Variants in ZZEF1 observed in about 807,000 individuals in gnomAD.
ZZEF1 encodes zinc finger ZZ-type and EF-hand domain containing 1.
In ZZEF1, 157 loss-of-function variants were observed where a neutral mutation model predicts 342.8. The ratio of observed to expected loss-of-function variants is 0.46; its 90% CI spans 0.40 to 0.52. The LOEUF (loss-of-function observed/expected upper bound fraction) is 0.52, where lower values mean the gene tolerates loss of function less well. Among genes scored for constraint, ZZEF1 ranks in the 20% least tolerant of loss-of-function variants. ZZEF1 has a pLI of 0.00. For missense variants in ZZEF1, 3,480 were observed against 3,725.6 expected, an observed-to-expected ratio of 0.93 and a Z score of 1.72; for synonymous variants, 1,505 against 1,429.1, an observed-to-expected ratio of 1.05 and a Z score of -1.20.
At position 4,008,642 on chromosome 17, in the gene ZZEF1, T is replaced by C. The variant is rs2055864332; in HGVS notation, c.8805+241A>G. The C allele has an allele frequency of 1.6e-5, 20 of 1,224,392 alleles. No individual in the cohort carries two copies. Among genetic ancestry groups the C allele is most frequent in the Non-Finnish European group, 2.0e-5 (20 of 981,000 alleles). The allele number at this position is 1,224,392 out of a possible 1,614,324, so 75.8% of individuals were successfully genotyped here. On this transcript the variant is annotated intron_variant, in intron 54 of 54. Coordinates refer to ENST00000381638, the MANE Select transcript of ZZEF1 (RefSeq NM_015113.4). This position sits in a 1 kb window ranked among gnomAD's most constrained non-coding sequence, Gnocchi z 4.2. ...AACTAAATTTAAGGCATCGGTTGTT[T>C]TGGTTTTAAAGACACAAATTCTTCT...
At chr17:4,085,835 T>A (rs781779717) in intron 15 of ZZEF1, 32 bp from the exon 16 acceptor site, 1 of 1,611,620 alleles carries the variant, frequency 6.2e-7, no homozygotes, top group Non-Finnish European at 8.5e-7. Context: ...TCAGCTTTCA[T>A]ATATTCCATC....
intron 9 of ZZEF1, among the ~76,000 whole-genome samples, chr17:4,096,958 A>T (rs1299346809): frequency 6.6e-6 from 1 of 152,108 alleles, no homozygotes; most frequent in Non-Finnish European, 1.5e-5. Flanking sequence ...CTCTGAGGTA[A>T]CAATAAGAAA....
At chr17:4,141,622 G>A (rs1367559467) in intron 1 of ZZEF1, among the ~76,000 whole-genome samples, 1 of 152,000 alleles carries the variant, frequency 6.6e-6, no homozygotes, top group African/African-American at 2.4e-5. Context: ...GATGCTGTGT[G>A]GAGTAAACCA....
At chr17:4,108,176 A>G (rs960343119) in intron 6 of ZZEF1, among the ~76,000 whole-genome samples, 2 of 152,234 alleles carry the variant, frequency 1.3e-5, no homozygotes, top group African/African-American at 4.8e-5. Flanking sequence ...AAAGTCTGGC[A>G]AAAACCACTT....
At chr17:4,102,286 C>A in intron 9 of ZZEF1, 31 bp downstream of exon 9, 1 of 1,593,876 alleles carries the variant, frequency 6.3e-7, no homozygotes, top group Non-Finnish European at 8.6e-7. Flanking sequence ...GTCTACCGAG[C>A]ACACTAGAAA....
intron 42 of ZZEF1, among the ~76,000 whole-genome samples, chr17:4,026,501 T>G (rs552785596): frequency 6.6e-6 from 1 of 151,060 alleles, no homozygotes; most frequent in South Asian, 2.1e-4. Context: ...CAGAAGACAA[T>G]AGACAAACAT....
Position 4,013,541 on chromosome 17 carries a change from T to A in ZZEF1, c.8487A>T (p.Glu2829Asp). 1 of 1,614,172 alleles carries A rather than the reference T, an allele frequency of 6.2e-7. No individual in the cohort carries two copies. Among genetic ancestry groups the A allele is most frequent in the South Asian group, 1.1e-5 (1 of 91,068 alleles). ...VPHLPLAKIW[E>D]WLVGVACRQT... The stretch of plus-strand genomic sequence containing the variant: ...GGCGACAGGCCACGCCCACCAGCCA[T>A]TCCCAAATTTTTGCCAATGGGAGAT... Residue 2829 changes from glutamate (E) to aspartate (D), a missense_variant, in exon 52 of 55, where the codon GAA (glutamate) becomes GAT (aspartate). Around this residue, in one of 5 missense-constraint regions of ZZEF1, gnomAD observed 1,269 missense variants for 1,342.4 expected, o/e 0.95. Transcript: ENST00000381638.
chr17:4,082,968 G>A (rs944306635), intron 16 of ZZEF1, among the ~76,000 whole-genome samples: 2 of 152,092 alleles, frequency 1.3e-5, no homozygotes, highest in African/African-American at 4.8e-5. Context: ...TAGAGACGGG[G>A]TTTCACCATG....
In ZZEF1 at chr17:4,014,624, G is replaced by A; in HGVS notation, c.8146-109C>T. The A allele has an allele frequency of 8.6e-7, 1 of 1,156,816 alleles. No individual in the cohort carries two copies. The highest frequency in any genetic ancestry group is 1.3e-6 in the Non-Finnish European group (1 of 788,382). 71.7% of individuals were successfully genotyped at this position (1,156,816 alleles called of 1,614,324 possible). A position where few individuals can be genotyped will look rare whatever the true frequency, so the allele number is the denominator to read the frequency against. On this transcript the variant is annotated intron_variant, in intron 49 of 54. Transcript: ENST00000381638. This position sits in a 1 kb window ranked among gnomAD's most constrained non-coding sequence, Gnocchi z 4.4. ...TGGACCCGGGTGTGTGAGAATGAGTGAACCACAGCCCTGGCCTCCAGGAGT... is the reference window on the plus strand; with the variant it reads ...TGGACCCGGGTGTGTGAGAATGAGTAAACCACAGCCCTGGCCTCCAGGAGT...
At chr17:4,028,455 G>A (rs2056465037) in intron 42 of ZZEF1, among the ~76,000 whole-genome samples, 1 of 151,820 alleles carries the variant, frequency 6.6e-6, no homozygotes, top group African/African-American at 2.4e-5. Context: ...GGCTGAGGCA[G>A]GAGAACTGCT....
intron 5 of ZZEF1, among the ~76,000 whole-genome samples, chr17:4,112,211 T>C (rs751962701): frequency 4.0e-5 from 6 of 150,942 alleles, no homozygotes; most frequent in Non-Finnish European, 7.4e-5. Flanking sequence ...AGTGGTGTGA[T>C]CTCAGCTCAC....
chr17:4,138,718 T>C (rs956982648), intron 1 of ZZEF1, among the ~76,000 whole-genome samples: 1 of 152,252 alleles, frequency 6.6e-6, no homozygotes, highest in Non-Finnish European at 1.5e-5. Flanking sequence ...CCATCTGTTA[T>C]CCTGTACTCA....
chr17:4,044,402 A>C, intron 37 of ZZEF1, 28 bp from the exon 38 acceptor site: 1 of 1,586,314 alleles, frequency 6.3e-7, no homozygotes, highest in Non-Finnish European at 8.6e-7. Context: ...TAAAAGAATT[A>C]AGGTTTCTTA....
chr17:4,032,464 T>C (rs1177810749), intron 41 of ZZEF1, among the ~76,000 whole-genome samples: 1 of 152,216 alleles, frequency 6.6e-6, no homozygotes, highest in Admixed American at 6.5e-5. Flanking sequence ...GCCATGTTTT[T>C]ACAGCCCCCT....
chr17:4,031,029 G>A (rs938551545), intron 42 of ZZEF1, among the ~76,000 whole-genome samples: 6 of 151,574 alleles, frequency 4.0e-5, no homozygotes, highest in Admixed American at 2.0e-4. Flanking sequence ...AAATACAAAC[G>A]TTAGGCTGGG....
intron 41 of ZZEF1, 151 bp from the exon 42 acceptor site, chr17:4,032,409 T>C (rs1378031005): frequency 4.5e-6 from 4 of 885,788 alleles, no homozygotes; most frequent in Non-Finnish European, 6.7e-6. Flanking sequence ...CCAAAGAGTC[T>C]GCCACAGGCT....
intron 5 of ZZEF1, 35 bp from the exon 6 acceptor site, chr17:4,109,898 T>A: frequency 6.2e-7 from 1 of 1,608,712 alleles, no homozygotes; most frequent in Non-Finnish European, 8.5e-7. Context: ...AGTATTGGAT[T>A]AACTTCTTTA....
intron 18 of ZZEF1, among the ~76,000 whole-genome samples, chr17:4,078,463 T>C (rs1027283216): frequency 5.9e-5 from 9 of 152,236 alleles, no homozygotes; most frequent in African/African-American, 1.7e-4. Context: ...TTTGAAGGGT[T>C]ATCTGACCTC....
intron 39 of ZZEF1, among the ~76,000 whole-genome samples, chr17:4,039,822 T>G (rs1276968829): frequency 1.3e-5 from 2 of 151,902 alleles, no homozygotes; most frequent in Non-Finnish European, 2.9e-5. Context: ...TTTTTTGTAT[T>G]TTTAGTTGAG....
Sources: gnomAD v4.1 joint callset for allele counts (sites outside exome capture counted in the v4.1 genomes callset) on GRCh38, gnomAD v4.1.1 for gene constraint, gnomAD v4.1.1 regional missense constraint, Gnocchi (gnomAD v3.1) non-coding constraint, MANE v1.5 for transcripts, NCBI Gene and HGNC (gene_info 2026-07-23, HGNC 2026-07-21) for gene names.